SLCO1B3: variants seen among roughly 807,000 people sequenced by gnomAD.
The protein encoded by SLCO1B3 is liver-specific organic anion transporter 2.
SLCO1B3 carries 72 observed loss-of-function variants against 71.8 expected under a neutral mutation model. The observed-to-expected ratio is 1.00, with a 90% CI of 0.83 to 1.22. SLCO1B3 has a LOEUF of 1.22. Among genes scored for constraint, SLCO1B3 ranks in the 50% most tolerant of loss-of-function variants. SLCO1B3 has a pLI of 0.00. For synonymous variants in SLCO1B3, 298 were observed against 278.4 expected (o/e 1.07, Z -0.70); for missense variants, 911 against 819.7 (o/e 1.11, Z -1.36).
chr12:20,825,556 G>A (rs955592276), intron 3 of SLCO1B3, among the ~76,000 whole-genome samples: 2 of 152,016 alleles, frequency 1.3e-5, no homozygotes, highest in African/African-American at 4.8e-5. Flanking sequence ...GGTACTTTGG[G>A]AGGCCAAGGC....
intron 3 of SLCO1B3, among the ~76,000 whole-genome samples, chr12:20,834,473 A>G (rs867024334): frequency 2.1e-5 from 3 of 143,750 alleles, no homozygotes; most frequent in South Asian, 2.2e-4. Context: ...TTATATATGT[A>G]TATATATTAT....
chr12:20,898,299 CTT>C (rs1332630360), intron 13 of SLCO1B3, 135 bp from the exon 14 acceptor site: 6 of 580,348 alleles, frequency 1.0e-5, no homozygotes, highest in Admixed American at 8.8e-5. Flanking sequence ...GAAAATGTAA[CTT>C]TATATAACGT....
chr12:20,858,501 AT>A lies in SLCO1B3; in HGVS notation c.291del (p.Ile97MetfsTer14), dbSNP rs1565591652. 6 of 1,598,416 alleles carry A rather than the reference AT, an allele frequency of 3.8e-6. No individual in the cohort carries two copies. The highest frequency in any genetic ancestry group is 5.1e-6 in the Non-Finnish European group (6 of 1,165,816). On this transcript the variant is annotated frameshift_variant, in exon 5 of 16. Transcript: ENST00000381545. LOFTEE classifies it high-confidence loss of function. ...ATCTAAACTACACAGACCGAAGTTA[AT>A]TGGAATTGGTTGTCTCCTTATGGGA... ...FGSKLHRPKL[I>X]GIGCLLMGTG...
chr12:20,836,277 T>C (rs774729233), intron 3 of SLCO1B3, among the ~76,000 whole-genome samples: 1 of 152,338 alleles, frequency 6.6e-6, no homozygotes, highest in Non-Finnish European at 1.5e-5. Flanking sequence ...TCAAATTAAG[T>C]TTATGTGATA....
chr12:20,825,700 A>C (rs373066132), intron 3 of SLCO1B3, among the ~76,000 whole-genome samples: 2 of 151,616 alleles, frequency 1.3e-5, no homozygotes, highest in African/African-American at 2.4e-5. Flanking sequence ...TCAGAAAGCT[A>C]AGACAGGAGA....
intron 8 of SLCO1B3, among the ~76,000 whole-genome samples, chr12:20,871,087 C>G (rs1865466129): frequency 6.6e-6 from 1 of 152,046 alleles, no homozygotes; most frequent in Admixed American, 6.6e-5. Flanking sequence ...TTTGGTTTGT[C>G]ACTATTTTGT....
At chr12:20,830,289 GA>G (rs1864512128) in intron 3 of SLCO1B3, among the ~76,000 whole-genome samples, 1 of 152,146 alleles carries the variant, frequency 6.6e-6, no homozygotes, top group South Asian at 2.1e-4. Flanking sequence ...AATCAATTTA[GA>G]AGTTTATTTT....
chr12:20,851,494 G>T (rs925314391), intron 3 of SLCO1B3, among the ~76,000 whole-genome samples: 1 of 152,052 alleles, frequency 6.6e-6, no homozygotes, highest in African/African-American at 2.4e-5. Context: ...CAAGTCCTTT[G>T]TCCATTTTTT....
chr12:20,868,499 A>T (rs1001404504), intron 8 of SLCO1B3, among the ~76,000 whole-genome samples: 3 of 152,164 alleles, frequency 2.0e-5, no homozygotes, highest in Non-Finnish European at 2.9e-5. Context: ...CCTTTCCCAC[A>T]ACCACTGGAA....
At chr12:20,855,515 T>C (rs1025729604) in intron 4 of SLCO1B3, among the ~76,000 whole-genome samples, 1 of 152,104 alleles carries the variant, frequency 6.6e-6, no homozygotes, top group Non-Finnish European at 1.5e-5. Flanking sequence ...GGAAACTTTA[T>C]CTCCCTTGTC....
chr12:20,881,167 C>T (rs1484123827), intron 12 of SLCO1B3, 147 bp downstream of exon 12: 2 of 563,730 alleles, frequency 3.5e-6, no homozygotes, highest in Non-Finnish European at 3.0e-6. Flanking sequence ...CTCGTGATAG[C>T]TGTGAAGTGT....
In SLCO1B3 at chr12:20,839,814, C is replaced by G. The variant is rs188288271; in HGVS notation, c.85-15214C>G. Among the ~76,000 whole-genome samples, 249 of 152,106 alleles carry G rather than the reference C, an allele frequency of 1.6e-3. 3 individuals carry two copies. The highest frequency in any genetic ancestry group is 0.015 in the Admixed American group (223 of 15,272). On this transcript the variant is annotated intron_variant, in intron 3 of 15. Coordinates refer to ENST00000381545, the MANE Select transcript of SLCO1B3 (RefSeq NM_019844.4). ...TGCATGTTGCTACTTTTGTAGTTAT[C>G]CCTTAGCTTTTGGGTATTTTCTTCT...
At chr12:20,829,210 A>T (rs114798692) in intron 3 of SLCO1B3, among the ~76,000 whole-genome samples, 2,970 of 152,338 alleles carry the variant, frequency 0.019, 88 homozygotes, top group African/African-American at 0.067. Context: ...ATCTAATCGT[A>T]CGGAGAAATT....
At chr12:20,898,303 A>C in intron 13 of SLCO1B3, 133 bp from the exon 14 acceptor site, 1 of 599,730 alleles carries the variant, frequency 1.7e-6, no homozygotes, top group South Asian at 2.1e-5. Flanking sequence ...ATGTAACTTT[A>C]TATAACGTGG....
chr12:20,855,274 C>A, intron 4 of SLCO1B3, 105 bp downstream of exon 4: 2 of 959,684 alleles, frequency 2.1e-6, no homozygotes, highest in Non-Finnish European at 3.1e-6. Context: ...GTAAATTTGT[C>A]TCTCATGGGC....
intron 3 of SLCO1B3, among the ~76,000 whole-genome samples, chr12:20,831,916 C>T (rs758156917): frequency 2.0e-5 from 3 of 152,150 alleles, no homozygotes; most frequent in Non-Finnish European, 2.9e-5. Context: ...GATTTTCTTC[C>T]TTACCACAGT....
At chr12:20,861,178 A>G in intron 6 of SLCO1B3, 40 bp downstream of exon 6, 2 of 1,497,260 alleles carry the variant, frequency 1.3e-6, no homozygotes, top group Non-Finnish European at 1.8e-6. Flanking sequence ...TTCTAGATTG[A>G]TAGATTTAAT....
intron 3 of SLCO1B3, among the ~76,000 whole-genome samples, chr12:20,818,981 T>A (rs1180242004): frequency 6.6e-6 from 1 of 152,226 alleles, no homozygotes; most frequent in Admixed American, 6.5e-5. Context: ...AGAAAGTATA[T>A]GCGTCAGGTA....
At chr12:20,851,420 A>G (rs1024818102) in intron 3 of SLCO1B3, among the ~76,000 whole-genome samples, 2 of 152,080 alleles carry the variant, frequency 1.3e-5, no homozygotes, top group Non-Finnish European at 2.9e-5. Flanking sequence ...ATGATTAGTG[A>G]TGTTGAGCAT....
Sources: allele counts gnomAD v4.1 joint callset (sites outside exome capture counted in the v4.1 genomes callset), GRCh38; gene constraint gnomAD v4.1.1; transcripts MANE v1.5; gene names NCBI Gene and HGNC (gene_info 2026-07-23, HGNC 2026-07-21).